PCBP3: variants seen among roughly 807,000 people sequenced by gnomAD.
PCBP3 encodes the protein poly(rC) binding protein 3.
A neutral mutation model predicts 52.7 loss-of-function variants in PCBP3; 25 were observed. The ratio of observed to expected loss-of-function variants is 0.47; its 90% CI spans 0.35 to 0.66. The LOEUF is 0.66. Ranked by LOEUF, PCBP3 falls within the 30% of genes least tolerant of loss-of-function variation. The pLI is 0.01. For missense variants in PCBP3, 391 were observed against 490.3 expected, an observed-to-expected ratio of 0.80 and a Z score of 1.91; for synonymous variants, 162 against 183.0, an observed-to-expected ratio of 0.89 and a Z score of 0.93.
chr21:45,893,031 G>A (rs2095717765), intron 5 of PCBP3, among the ~76,000 whole-genome samples: 1 of 152,242 alleles, frequency 6.6e-6, no homozygotes, highest in South Asian at 2.1e-4. Flanking sequence ...AGCCCCATGA[G>A]GAGGGACCAT....
At chr21:45,688,366 G>T (rs1039997688) in intron 2 of PCBP3, among the ~76,000 whole-genome samples, 1 of 152,074 alleles carries the variant, frequency 6.6e-6, no homozygotes, top group Non-Finnish European at 1.5e-5. Context: ...CAATAATAAG[G>T]TTATTGATAA....
chr21:45,892,675 T>C (rs1447809431), intron 5 of PCBP3, among the ~76,000 whole-genome samples: 1 of 152,180 alleles, frequency 6.6e-6, no homozygotes, highest in Non-Finnish European at 1.5e-5. Flanking sequence ...ACCCCAAGGC[T>C]GTGGCTAAAT....
intron 2 of PCBP3, among the ~76,000 whole-genome samples, chr21:45,690,495 A>G (rs1378496854): frequency 6.6e-6 from 1 of 152,196 alleles, no homozygotes; most frequent in Non-Finnish European, 1.5e-5. Context: ...CAAAGTTTTA[A>G]AATTCTGTTC....
At chr21:45,700,472 G>A (rs971728860) in intron 2 of PCBP3, among the ~76,000 whole-genome samples, 1 of 152,162 alleles carries the variant, frequency 6.6e-6, no homozygotes, top group Admixed American at 6.5e-5. Context: ...AGAGGACTGA[G>A]GCCAAGTGAG....
At chr21:45,789,040 C>T (rs538041854) in intron 4 of PCBP3, among the ~76,000 whole-genome samples, 17 of 152,350 alleles carry the variant, frequency 1.1e-4, no homozygotes, top group African/African-American at 3.6e-4. Flanking sequence ...GCTTAGAACA[C>T]AGTGAGTGCA....
intron 5 of PCBP3, among the ~76,000 whole-genome samples, chr21:45,860,145 G>C (rs2094456516): frequency 6.8e-6 from 1 of 147,054 alleles, no homozygotes; most frequent in Non-Finnish European, 1.5e-5. Flanking sequence ...AGAAAGACCA[G>C]AGCCAGGCCC....
rs55924687 is a variant in PCBP3, at chr21:45,753,127, C to CAAAAAA, written c.-161-2266_-161-2261dup. On this transcript the variant is annotated intron_variant, in intron 3 of 17. Coordinates refer to ENST00000681687, the MANE Select transcript of PCBP3 (RefSeq NM_001384156.1). ...GGGTGACAGAGCAAGACCCCGTCTC[C>CAAAAAA]AAAAAAAAAAAAAAAAAAAAAAAAA... 3 of 44,766 alleles carry CAAAAAA rather than the reference C, an allele frequency of 6.7e-5. 1 individual carries two copies. Among genetic ancestry groups the CAAAAAA allele is most frequent in the Non-Finnish European group, 1.1e-4 (3 of 26,814 alleles). The allele number at this position is 44,766 out of a possible 1,614,324, so 2.8% of individuals were successfully genotyped here.
intron 2 of PCBP3, among the ~76,000 whole-genome samples, chr21:45,685,915 C>CTTT (rs1168054154): frequency 6.4e-5 from 8 of 125,424 alleles, no homozygotes; most frequent in African/African-American, 9.0e-5. Flanking sequence ...GTAAGATGAA[C>CTTT]TTTTTTTTTT....
chr21:45,650,485 C>G (rs1174956681), intron 1 of PCBP3, among the ~76,000 whole-genome samples: 1 of 152,134 alleles, frequency 6.6e-6, no homozygotes, highest in Non-Finnish European at 1.5e-5. Flanking sequence ...GGGACTCTCT[C>G]TGTCACCCAG....
intron 1 of PCBP3, among the ~76,000 whole-genome samples, chr21:45,649,617 C>T (rs554380432): frequency 2.0e-5 from 3 of 152,190 alleles, no homozygotes; most frequent in African/African-American, 7.2e-5. Flanking sequence ...CTTCATGTAC[C>T]TAATGATAAT....
intron 5 of PCBP3, among the ~76,000 whole-genome samples, chr21:45,888,133 C>T (rs560123861): frequency 1.3e-5 from 2 of 152,228 alleles, no homozygotes; most frequent in Non-Finnish European, 2.9e-5. Context: ...CCGCACAGGG[C>T]AGGGGGGTCT....
At chr21:45,725,403 A>G (rs761203244) in intron 2 of PCBP3, among the ~76,000 whole-genome samples, 16 of 152,208 alleles carry the variant, frequency 1.1e-4, no homozygotes, top group Non-Finnish European at 1.8e-4. Context: ...ATTTTTAGAA[A>G]AGGAAGAATG....
rs928781952 is a variant in PCBP3, at chr21:45,904,786, G to A, written c.339+3673G>A. ...GTGCTCAGAGGGCCCTTGAGTCGTCGCTCTGGGGCCGTGTCTCACCCTCAC... is the reference window on the plus strand; with the variant it reads ...GTGCTCAGAGGGCCCTTGAGTCGTCACTCTGGGGCCGTGTCTCACCCTCAC... On this transcript the variant is annotated intron_variant, in intron 9 of 17. Coordinates refer to ENST00000681687, the MANE Select transcript of PCBP3 (RefSeq NM_001384156.1). The surrounding 1 kb of genome is among the most constrained non-coding windows in gnomAD (Gnocchi z 4.8). 2.0e-5 allele frequency among the ~76,000 whole-genome samples: 3 copies of A among 152,032 alleles called. No individual in the cohort carries two copies. The highest frequency in any genetic ancestry group is 1.9e-4 in the East Asian group (1 of 5,192).
chr21:45,822,273 C>T (rs1440069906), intron 4 of PCBP3, among the ~76,000 whole-genome samples: 4 of 152,178 alleles, frequency 2.6e-5, no homozygotes, highest in Non-Finnish European at 5.9e-5. Context: ...CTGAGCCTTT[C>T]CTCTGGCCGC....
chr21:45,857,567 AC>A (rs1226806007), intron 5 of PCBP3, among the ~76,000 whole-genome samples: 1 of 151,436 alleles, frequency 6.6e-6, no homozygotes, highest in South Asian at 2.1e-4. Flanking sequence ...ACCACCTATA[AC>A]CCCCCACCTT....
chr21:45,734,464 T>C (rs1035434298), intron 2 of PCBP3, among the ~76,000 whole-genome samples: 2 of 152,222 alleles, frequency 1.3e-5, no homozygotes, highest in Non-Finnish European at 2.9e-5. Context: ...CCTCCTGTGC[T>C]GTGGGGTCCT....
intron 14 of PCBP3, 148 bp downstream of exon 14, chr21:45,930,143 T>TGGGGCC (rs1255327675): frequency 1.1e-5 from 1 of 89,276 alleles, no homozygotes; most frequent in African/African-American, 6.2e-5. Flanking sequence ...GCAGGCTTGC[T>TGGGGCC]GGGGCTGGGG....
chr21:45,800,519 G>T lies in PCBP3; in HGVS notation c.-126+45067G>T, dbSNP rs2092256222. On this transcript the variant is annotated intron_variant, in intron 4 of 17. Coordinates refer to ENST00000681687, the MANE Select transcript of PCBP3 (RefSeq NM_001384156.1). The surrounding 1 kb of genome is among the most constrained non-coding windows in gnomAD (Gnocchi z 5.3). ...GGTGTGTGCCTGACCTGACCCTGAG[G>T]CCCCCTCCCTGCCATGCCTCTAACC... Among the ~76,000 whole-genome samples the T allele has an allele frequency of 6.6e-6, 1 of 152,114 alleles. No homozygotes were observed.
intron 4 of PCBP3, chr21:45,760,379 G>T: frequency 6.6e-6 from 1 of 152,198 alleles, no homozygotes; most frequent in East Asian, 1.9e-4. Context: ...CAGGAGGAGA[G>T]AAGGTTGTCT....
Sources: allele counts gnomAD v4.1 joint callset (sites outside exome capture counted in the v4.1 genomes callset), GRCh38; gene constraint gnomAD v4.1.1; non-coding constraint Gnocchi (gnomAD v3.1); transcripts MANE v1.5; gene names NCBI Gene and HGNC (gene_info 2026-07-23, HGNC 2026-07-21).